Variants in NXNL2 observed in about 807,000 individuals in gnomAD.
NXNL2 encodes nucleoredoxin like 2.
NXNL2 carries 7 observed loss-of-function variants against 11.1 expected under a neutral mutation model. That is an observed-to-expected ratio of 0.63 (90% CI 0.36 to 1.18). The LOEUF is 1.18. Ranked by LOEUF, NXNL2 falls within the 50% of genes most tolerant of loss-of-function variation. The pLI, the probability that NXNL2 is intolerant of heterozygous loss-of-function variation, is 0.02. For missense variants in NXNL2, 233 were observed against 217.7 expected, an observed-to-expected ratio of 1.07 and a Z score of -0.44; for synonymous variants, 109 against 101.8, an observed-to-expected ratio of 1.07 and a Z score of -0.42.
chr9:88,535,390 C>T lies in NXNL2; in HGVS notation c.-45C>T. The T allele has an allele frequency of 2.0e-6, 3 of 1,512,076 alleles. No homozygotes were observed. The South Asian group carries it at 3.9e-5, about 20-fold the overall frequency. The allele number at this position is 1,512,076 out of a possible 1,614,324, so 93.7% of individuals were successfully genotyped here. On this transcript the variant is annotated 5_prime_UTR_variant, in exon 1 of 2. Transcript: ENST00000375854. ...CGCCGCCTCCCCGCAGGTGATCATC[C>T]TCCTGCAGGTGTCCTCGGGTCTCAG...
At chr9:88,541,126 G>A (rs1401226740) in intron 1 of NXNL2, among the ~76,000 whole-genome samples, 1 of 139,168 alleles carries the variant, frequency 7.2e-6, no homozygotes, top group South Asian at 2.3e-4. Context: ...TTTTTATTTT[G>A]TGGAGATAGG....
chr9:88,557,595 C>G (rs966795899), intron 1 of NXNL2, among the ~76,000 whole-genome samples: 1 of 152,210 alleles, frequency 6.6e-6, no homozygotes, highest in African/African-American at 2.4e-5. Context: ...GAGCCACCAA[C>G]AGCTAAGACA....
intron 1 of NXNL2, among the ~76,000 whole-genome samples, chr9:88,564,199 G>A (rs1364329865): frequency 1.4e-5 from 2 of 145,106 alleles, no homozygotes; most frequent in Admixed American, 6.9e-5. Flanking sequence ...GGACAAGAGC[G>A]AAACTCCATT....
At chr9:88,545,676 C>T (rs1456385391), downstream of NXNL2, among the ~76,000 whole-genome samples, 1 of 152,112 alleles carries the variant, frequency 6.6e-6, no homozygotes, top group Non-Finnish European at 1.5e-5. Context: ...TTTACACTAA[C>T]CTCATTGTTA....
intron 1 of NXNL2, among the ~76,000 whole-genome samples, chr9:88,552,962 A>G (rs1829962098): frequency 2.0e-5 from 3 of 152,168 alleles, no homozygotes; most frequent in Admixed American, 2.0e-4. Flanking sequence ...TAAAAGGATG[A>G]TTTTAAACTA....
intron 1 of NXNL2, among the ~76,000 whole-genome samples, chr9:88,568,949 G>A (rs1254864361): frequency 6.6e-6 from 1 of 151,034 alleles, no homozygotes; most frequent in East Asian, 2.0e-4. Context: ...TTTTTTCTTG[G>A]ACAACGCCTC....
At chr9:88,560,719 G>C (rs926397609) in intron 1 of NXNL2, among the ~76,000 whole-genome samples, 15 of 151,956 alleles carry the variant, frequency 9.9e-5, no homozygotes, top group Admixed American at 8.5e-4. Context: ...GTCTAGCCTG[G>C]GCAACATAGT....
At chr9:88,572,742 G>A (rs1302215131) in intron 2 of NXNL2, among the ~76,000 whole-genome samples, 1 of 152,170 alleles carries the variant, frequency 6.6e-6, no homozygotes, top group Non-Finnish European at 1.5e-5. Context: ...CACCCTAAGA[G>A]TATCTGAGTT....
chr9:88,576,767 C>T (rs549842886), downstream of NXNL2, among the ~76,000 whole-genome samples: 4 of 152,272 alleles, frequency 2.6e-5, no homozygotes, highest in Admixed American at 2.0e-4. Context: ...ACAGGCAGCC[C>T]GTAGCAGGGA....
intron 1 of NXNL2, among the ~76,000 whole-genome samples, chr9:88,550,321 C>A (rs991412753): frequency 6.6e-6 from 1 of 152,164 alleles, no homozygotes; most frequent in African/African-American, 2.4e-5. Flanking sequence ...CATCAGTGAC[C>A]AAGCTGGACC....
At chr9:88,562,180 A>G (rs1436557469) in intron 1 of NXNL2, among the ~76,000 whole-genome samples, 2 of 152,334 alleles carry the variant, frequency 1.3e-5, no homozygotes, top group East Asian at 3.9e-4. Context: ...CCAGGCACAC[A>G]GAGTACATAC....
intron 1 of NXNL2, among the ~76,000 whole-genome samples, chr9:88,557,012 C>T (rs747096832): frequency 5.1e-5 from 7 of 136,644 alleles, no homozygotes; most frequent in South Asian, 2.5e-4. Flanking sequence ...ACCCGGGAGG[C>T]GGAGGTTGCA....
Position 88,564,278 on chromosome 9 carries a change from CT to C in NXNL2, c.303-6808del, listed in dbSNP as rs1205356544. ...TCTATCTATCTATCTGTCTATCTAT[CT>C]ATCTATTATCTATCTATCTATCTAT... is the stretch of plus-strand genomic sequence containing the variant. On this transcript the variant is annotated intron_variant, in intron 1 of 2. Coordinates refer to the NXNL2 transcript ENST00000375855. 4.2e-3 allele frequency among the ~76,000 whole-genome samples: 519 copies of C among 122,604 alleles called. 5 individuals carry two copies. The highest frequency in any genetic ancestry group is 0.015 in the African/African-American group (488 of 31,726). 80.4% of individuals were successfully genotyped at this position (122,604 alleles called of 152,430 possible).
intron 1 of NXNL2, among the ~76,000 whole-genome samples, chr9:88,583,044 G>A (rs4545188): frequency 0.094 from 14,265 of 152,162 alleles, 2,155 homozygotes; most frequent in African/African-American, 0.32. Flanking sequence ...CAGCTTGATG[G>A]TCTCTACTGG....
chr9:88,535,403 C>G lies in NXNL2; in HGVS notation c.-32C>G. On this transcript the variant is annotated 5_prime_UTR_variant, in exon 1 of 2. Transcript: ENST00000375854. ...CAGGTGATCATCCTCCTGCAGGTGT[C>G]CTCGGGTCTCAGGTGGCTGCGTGTC... The G allele has an allele frequency of 6.5e-7, 1 of 1,550,212 alleles. No individual in the cohort carries two copies. The highest frequency in any genetic ancestry group is 8.7e-7 in the Non-Finnish European group (1 of 1,154,698).
chr9:88,576,907 A>G (rs1406305551), downstream of NXNL2, among the ~76,000 whole-genome samples: 2 of 152,034 alleles, frequency 1.3e-5, no homozygotes, highest in African/African-American at 4.8e-5. Context: ...GGGCTCCAAC[A>G]CTGTGTTCCC....
downstream of NXNL2, among the ~76,000 whole-genome samples, chr9:88,577,397 C>G (rs967739963): frequency 1.3e-5 from 2 of 152,042 alleles, no homozygotes; most frequent in Non-Finnish European, 2.9e-5. Flanking sequence ...GGCCTCTGTT[C>G]CAGGTGAGCA....
chr9:88,568,921 A>G (rs1018047634), intron 1 of NXNL2, among the ~76,000 whole-genome samples: 5 of 151,400 alleles, frequency 3.3e-5, no homozygotes, highest in African/African-American at 1.2e-4. Context: ...TTTGTTTTAC[A>G]TCTCTTGATG....
At chr9:88,540,495 C>T (rs571431786) in intron 1 of NXNL2, among the ~76,000 whole-genome samples, 2 of 152,038 alleles carry the variant, frequency 1.3e-5, no homozygotes, top group Non-Finnish European at 2.9e-5. Context: ...CATGGCTGTT[C>T]GTGAAGGAGT....
Sources: gnomAD v4.1 joint callset for allele counts (sites outside exome capture counted in the v4.1 genomes callset) on GRCh38, gnomAD v4.1.1 for gene constraint, MANE v1.5 for transcripts, NCBI Gene and HGNC (gene_info 2026-07-23, HGNC 2026-07-21) for gene names.